The following PRPS2 variants were observed in gnomAD, a reference collection of about 807,000 sequenced individuals.
The protein encoded by PRPS2 is phosphoribosyl pyrophosphate synthetase 2.
For missense variants in PRPS2, 104 were observed against 271.5 expected (o/e 0.38, Z 4.34); for synonymous variants, 111 against 115.3 (o/e 0.96, Z 0.24).
chrX:12,807,228 T>A (rs1269914180), intron 2 of PRPS2, among the ~76,000 whole-genome samples: 6 of 111,906 alleles, frequency 5.4e-5, no homozygotes, highest in Non-Finnish European at 1.9e-5. Context: ...TTACATGATA[T>A]AAGACAGAAG....
intron 2 of PRPS2, among the ~76,000 whole-genome samples, chrX:12,800,460 C>T (rs1257629504): frequency 9.0e-6 from 1 of 111,578 alleles, no homozygotes; most frequent in Non-Finnish European, 1.9e-5. Context: ...AAAATGAGGT[C>T]ACATGCTGAA....
intron 4 of PRPS2, among the ~76,000 whole-genome samples, chrX:12,812,737 T>C (rs1337343656): frequency 8.9e-6 from 1 of 112,392 alleles, no homozygotes. Context: ...ACCATCACTA[T>C]CTAATTCCAG....
At position 12,823,186 on chromosome X, in the gene PRPS2, T is replaced by G. The variant is rs1288335918; in HGVS notation, c.*390T>G. 1.4e-5 allele frequency: 2 copies of G among 144,379 alleles called. No individual in the cohort carries two copies. Among genetic ancestry groups the G allele is most frequent in the African/African-American group, 6.4e-5 (2 of 31,405 alleles). 11.9% of individuals were successfully genotyped at this position (144,379 alleles called of 1,213,427 possible). A position where few individuals can be genotyped will look rare whatever the true frequency, so the allele number is the denominator to read the frequency against. On this transcript the variant is annotated 3_prime_UTR_variant, in exon 7 of 7. Coordinates refer to ENST00000380668, the MANE Select transcript of PRPS2 (RefSeq NM_002765.5). ...CCAAAGGTGACTTCAGATTAAAGCC[T>G]TCTGTGTAAATATATACTGATAATG...
At chrX:12,794,949 C>A (rs762105585) in intron 1 of PRPS2, among the ~76,000 whole-genome samples, 2 of 112,112 alleles carry the variant, frequency 1.8e-5, no homozygotes, top group Non-Finnish European at 3.8e-5. Flanking sequence ...CGGTATCTTA[C>A]AGTTCTGTAA....
intron 1 of PRPS2, among the ~76,000 whole-genome samples, chrX:12,797,257 C>T (rs1176257121): frequency 9.1e-6 from 1 of 109,814 alleles, no homozygotes; most frequent in Admixed American, 9.7e-5. Flanking sequence ...ACTCGGGAGG[C>T]TGAGGCAGGA....
Position 12,791,521 on chromosome X carries a change from C to T in PRPS2, c.24C>T (p.Ser8=), listed in dbSNP as rs1202911791. 18 of 1,204,544 alleles carry T rather than the reference C, an allele frequency of 1.5e-5. No individual in the cohort carries two copies. The highest frequency in any genetic ancestry group is 2.0e-5 in the Non-Finnish European group (18 of 892,475). Reference sequence around the variant, plus strand: ...CCATGCCCAACATCGTGCTGTTCAGCGGCAGCTCGCATCAGGACCTGTCCC... The same window carrying T: ...CCATGCCCAACATCGTGCTGTTCAGTGGCAGCTCGCATCAGGACCTGTCCC... MPNIVLF[S]GSSHQDLSQR... Residue 8 remains serine (S), a synonymous_variant, in exon 1 of 7, where the codon AGC becomes AGT. Coordinates refer to ENST00000380668, the MANE Select transcript of PRPS2 (RefSeq NM_002765.5).
chrX:12,822,878 A>G lies in PRPS2; in HGVS notation c.*82A>G, dbSNP rs1227217808. 3 of 730,215 alleles carry G rather than the reference A, an allele frequency of 4.1e-6. No individual in the cohort carries two copies. Among genetic ancestry groups the G allele is most frequent in the Non-Finnish European group, 4.2e-6 (2 of 472,258 alleles). The allele number at this position is 730,215 out of a possible 1,213,427, so 60.2% of individuals were successfully genotyped here. On this transcript the variant is annotated 3_prime_UTR_variant, in exon 7 of 7. Coordinates refer to ENST00000380668, the MANE Select transcript of PRPS2 (RefSeq NM_002765.5). ...TCTGGATTTTTAGCTGTAGGTATTC[A>G]GCAATGATAGGTTAATCACTGGCAA...
chrX:12,801,065 T>G (rs1337182331), intron 2 of PRPS2, among the ~76,000 whole-genome samples: 3 of 112,305 alleles, frequency 2.7e-5, no homozygotes, highest in African/African-American at 9.7e-5. Flanking sequence ...GAAATACTAT[T>G]TTGAATTTTT....
chrX:12,797,700 G>T (rs1459498754), intron 1 of PRPS2, among the ~76,000 whole-genome samples: 1 of 111,960 alleles, frequency 8.9e-6, no homozygotes, highest in African/African-American at 3.2e-5. Context: ...TTCTTGGTTT[G>T]GACGCAGAGC....
chrX:12,814,756 A>G (rs1183131803), intron 4 of PRPS2, among the ~76,000 whole-genome samples: 2 of 112,340 alleles, frequency 1.8e-5, no homozygotes, highest in Non-Finnish European at 3.8e-5. Context: ...GGAAGAGGGT[A>G]AAACTAGATA....
At chrX:12,801,671 C>T (rs762767624) in intron 2 of PRPS2, among the ~76,000 whole-genome samples, 9 of 112,729 alleles carry the variant, frequency 8.0e-5, no homozygotes, top group African/African-American at 1.6e-4. Flanking sequence ...TGCAGTGGCA[C>T]GATCTCAGCT....
At position 12,816,117 on chromosome X, in the gene PRPS2, A is replaced by G. The variant is rs1343171224; in HGVS notation, c.531-3390A>G. ...TTGCATCCTGAAGAATGAGTGTTTTAAGGGTAGGATGAGTGTTCTAAGGGT... is the reference window on the plus strand; with the variant it reads ...TTGCATCCTGAAGAATGAGTGTTTTGAGGGTAGGATGAGTGTTCTAAGGGT... On this transcript the variant is annotated intron_variant, in intron 4 of 6. Coordinates refer to ENST00000380668, the MANE Select transcript of PRPS2 (RefSeq NM_002765.5). Among the ~76,000 whole-genome samples the G allele has an allele frequency of 6.3e-5, 7 of 111,739 alleles. No individual in the cohort carries two copies. The Admixed American group carries it at 6.7e-4, about 11-fold the overall frequency.
intron 2 of PRPS2, among the ~76,000 whole-genome samples, chrX:12,801,595 G>GT (rs2042570805): frequency 9.0e-6 from 1 of 111,724 alleles, no homozygotes; most frequent in African/African-American, 3.3e-5. Flanking sequence ...ATTGTAGCTG[G>GT]TTTTTTGTTG....
chrX:12,797,495 C>T (rs2042550300), intron 1 of PRPS2, among the ~76,000 whole-genome samples: 1 of 111,746 alleles, frequency 8.9e-6, no homozygotes, highest in Admixed American at 9.5e-5. Flanking sequence ...TCATTGTCCT[C>T]GAGGTGTGTA....
chrX:12,796,199 A>C, intron 1 of PRPS2, among the ~76,000 whole-genome samples: 1 of 94,750 alleles, frequency 1.1e-5, no homozygotes, highest in African/African-American at 3.8e-5. Flanking sequence ...AATTTTCATT[A>C]GGTATAATTG....
intron 4 of PRPS2, among the ~76,000 whole-genome samples, chrX:12,812,583 C>T (rs747279729): frequency 1.6e-4 from 18 of 111,938 alleles, no homozygotes; most frequent in South Asian, 7.6e-4. Flanking sequence ...GCCGAGATCA[C>T]GCCACTGCAC....
chrX:12,801,132 G>T (rs1471353967), intron 2 of PRPS2, among the ~76,000 whole-genome samples: 1 of 111,450 alleles, frequency 9.0e-6, no homozygotes, highest in African/African-American at 3.3e-5. Context: ...ACCAAAACAA[G>T]TGGCTGGTGG....
chrX:12,808,458 C>A (rs1330141063), intron 2 of PRPS2, among the ~76,000 whole-genome samples: 1 of 111,600 alleles, frequency 9.0e-6, no homozygotes, highest in African/African-American at 3.3e-5. Context: ...TATATAATTT[C>A]TTGGATTTCT....
At chrX:12,797,358 TA>T (rs373644455) in intron 1 of PRPS2, among the ~76,000 whole-genome samples, 13,707 of 98,965 alleles carry the variant, frequency 0.14, 730 homozygotes, top group Non-Finnish European at 0.16. Flanking sequence ...ACTCTGTCTT[TA>T]AAAAAAAAAA....
Sources: allele counts gnomAD v4.1 joint callset (sites outside exome capture counted in the v4.1 genomes callset), GRCh38; gene constraint gnomAD v4.1.1; transcripts MANE v1.5; gene names NCBI Gene and HGNC (gene_info 2026-07-23, HGNC 2026-07-21).